Variants in VPS13B observed in about 807,000 individuals in gnomAD.
VPS13B encodes the protein vacuolar protein sorting 13 homolog B.
Under a neutral mutation model 426.4 loss-of-function variants are expected in VPS13B, and 285 were observed. That is an observed-to-expected ratio of 0.67 (90% CI 0.61 to 0.74). The LOEUF is 0.74. VPS13B is among the 30% of genes least tolerant of loss of function. The probability of loss-of-function intolerance (pLI) is 0.00; values close to 1 mark genes in which losing one functional copy is unlikely to be tolerated. For missense variants in VPS13B, 4,537 were observed against 4,782.6 expected, an observed-to-expected ratio of 0.95 and a Z score of 1.51; for synonymous variants, 1,676 against 1,676.4, an observed-to-expected ratio of 1.00 and a Z score of 0.01.
At chr8:99,724,429 A>T (rs1198473968) in intron 39 of VPS13B, among the ~76,000 whole-genome samples, 1 of 152,154 alleles carries the variant, frequency 6.6e-6, no homozygotes, top group Non-Finnish European at 1.5e-5. Flanking sequence ...CAGGGAGCTT[A>T]TGAAAGGAAG....
intron 17 of VPS13B, among the ~76,000 whole-genome samples, chr8:99,217,884 T>G (rs895168751): frequency 3.3e-5 from 5 of 152,220 alleles, no homozygotes; most frequent in Non-Finnish European, 7.3e-5. Flanking sequence ...GTACTTGCAA[T>G]AGAGATTTCA....
chr8:99,289,833 A>T (rs1459036405), intron 19 of VPS13B, among the ~76,000 whole-genome samples: 1 of 152,126 alleles, frequency 6.6e-6, no homozygotes. Context: ...TTATCCTAAA[A>T]ACAAGATTTA....
At chr8:99,273,159 G>GA (rs1554705497) in intron 17 of VPS13B, among the ~76,000 whole-genome samples, 9 of 129,458 alleles carry the variant, frequency 7.0e-5, no homozygotes, top group African/African-American at 2.5e-4. Context: ...TACTCAGGTA[G>GA]TTTTTTTTTT....
intron 61 of VPS13B, 68 bp downstream of exon 61, chr8:99,871,765 G>A: frequency 6.2e-7 from 1 of 1,608,206 alleles, no homozygotes; most frequent in Non-Finnish European, 8.5e-7. Context: ...GCTGGTCACT[G>A]GTACCTAGGC....
chr8:99,849,964 C>G (rs1816177978), intron 55 of VPS13B, among the ~76,000 whole-genome samples: 1 of 148,486 alleles, frequency 6.7e-6, no homozygotes, highest in African/African-American at 2.5e-5. Context: ...CATAAGTACG[C>G]ATGTATGTAC....
intron 21 of VPS13B, among the ~76,000 whole-genome samples, chr8:99,396,590 C>G (rs1330868048): frequency 6.6e-6 from 1 of 152,062 alleles, no homozygotes; most frequent in Non-Finnish European, 1.5e-5. Context: ...TATTTCATCT[C>G]TAATACCTAA....
intron 17 of VPS13B, among the ~76,000 whole-genome samples, chr8:99,240,313 A>T (rs141202533): frequency 6.6e-6 from 1 of 152,206 alleles, no homozygotes; most frequent in African/African-American, 2.4e-5. Flanking sequence ...AGTGATCATG[A>T]TCATGTCTTA....
At chr8:99,571,410 G>C (rs1307374906) in intron 31 of VPS13B, among the ~76,000 whole-genome samples, 1 of 151,952 alleles carries the variant, frequency 6.6e-6, no homozygotes, top group African/African-American at 2.4e-5. Flanking sequence ...ATATTTACCA[G>C]AGATATCATA....
At chr8:99,403,785 T>A (rs1308237875) in intron 21 of VPS13B, among the ~76,000 whole-genome samples, 1 of 152,190 alleles carries the variant, frequency 6.6e-6, no homozygotes, top group Non-Finnish European at 1.5e-5. Flanking sequence ...CTATTCCAGT[T>A]TGTACGTACT....
At chr8:99,517,038 C>T (rs1345753511) in intron 29 of VPS13B, among the ~76,000 whole-genome samples, 1 of 152,104 alleles carries the variant, frequency 6.6e-6, no homozygotes, top group East Asian at 1.9e-4. Context: ...CGTTTGTCTT[C>T]AACTGCCAGT....
intron 57 of VPS13B, 43 bp downstream of exon 57, chr8:99,859,523 CTTT>C (rs10710929): frequency 1.4e-4 from 206 of 1,472,156 alleles, no homozygotes; most frequent in Admixed American, 2.6e-4. Flanking sequence ...CACTCCTTCC[CTTT>C]TTTTTTTTTT....
chr8:99,153,755 C>CT (rs1293256871), intron 14 of VPS13B, among the ~76,000 whole-genome samples: 3 of 151,702 alleles, frequency 2.0e-5, no homozygotes, highest in South Asian at 2.1e-4. Context: ...AATTAAAAGT[C>CT]TTTTTTTACC....
chr8:99,129,353 A>G (rs1809624342), intron 8 of VPS13B, among the ~76,000 whole-genome samples: 1 of 151,766 alleles, frequency 6.6e-6, no homozygotes, highest in Non-Finnish European at 1.5e-5. Flanking sequence ...TTTAATATCA[A>G]AAGTCCTGAC....
At chr8:99,682,384 A>G (rs952099738) in intron 35 of VPS13B, among the ~76,000 whole-genome samples, 1 of 152,172 alleles carries the variant, frequency 6.6e-6, no homozygotes, top group African/African-American at 2.4e-5. Flanking sequence ...GCTATCTAAA[A>G]ATTAGATTAT....
intron 19 of VPS13B, chr8:99,341,735 G>C: frequency 2.6e-6 from 1 of 391,694 alleles, no homozygotes; most frequent in South Asian, 2.4e-5. Context: ...TGCCTTTTTT[G>C]TCTTTCCCAC....
chr8:99,400,790 C>A (rs1814990927), intron 21 of VPS13B, among the ~76,000 whole-genome samples: 2 of 152,204 alleles, frequency 1.3e-5, no homozygotes, highest in Non-Finnish European at 1.5e-5. Flanking sequence ...CCTGCCTCAG[C>A]CTCCCAAGTA....
intron 21 of VPS13B, among the ~76,000 whole-genome samples, chr8:99,417,303 T>C (rs1256087464): frequency 6.6e-6 from 1 of 152,210 alleles, no homozygotes; most frequent in African/African-American, 2.4e-5. Flanking sequence ...GAACATAAAA[T>C]ATTGACACCA....
At chr8:99,314,765 G>A (rs1821217521) in intron 19 of VPS13B, among the ~76,000 whole-genome samples, 1 of 152,154 alleles carries the variant, frequency 6.6e-6, no homozygotes, top group Non-Finnish European at 1.5e-5. Flanking sequence ...TCCCATTTTA[G>A]AGCTAATGAT....
chr8:99,304,975 G>A (rs1665012031), intron 19 of VPS13B, among the ~76,000 whole-genome samples: 1 of 152,026 alleles, frequency 6.6e-6, no homozygotes, highest in Non-Finnish European at 1.5e-5. Flanking sequence ...CTCCCATCAT[G>A]TGGAACGATT....
Sources: allele counts gnomAD v4.1 joint callset (sites outside exome capture counted in the v4.1 genomes callset), GRCh38; gene constraint gnomAD v4.1.1; transcripts MANE v1.5; gene names NCBI Gene and HGNC (gene_info 2026-07-23, HGNC 2026-07-21).